STRN: variants seen among roughly 807,000 people sequenced by gnomAD.
STRN encodes the protein striatin.
STRN carries 53 observed loss-of-function variants against 96.3 expected under a neutral mutation model. The observed-to-expected ratio is 0.55, with a 90% confidence interval of 0.44 to 0.69. The LOEUF (loss-of-function observed/expected upper bound fraction) is 0.69. Ranked by LOEUF, STRN falls within the 30% of genes least tolerant of loss-of-function variation. The pLI, the probability that STRN is intolerant of heterozygous loss-of-function variation, is 0.00. For synonymous variants in STRN, 428 were observed against 355.9 expected, an observed-to-expected ratio of 1.20 and a Z score of -2.28; for missense variants, 987 against 963.9, an observed-to-expected ratio of 1.02 and a Z score of -0.32.
In STRN at chr2:36,846,054, A is replaced by G. The variant is rs1668067505; in HGVS notation, c.*3402T>C. 1 of 130,398 alleles carries G rather than the reference A, an allele frequency of 7.7e-6. No individual in the cohort carries two copies. The highest frequency in any genetic ancestry group is 9.4e-5 in the Admixed American group (1 of 10,658). 8.1% of individuals were successfully genotyped at this position (130,398 alleles called of 1,614,324 possible). A position where few individuals can be genotyped will look rare whatever the true frequency, so the allele number is the denominator to read the frequency against. ...ATTTTTTTTTTTAAAGGCACCTCTC[A>G]TTTTCTAGCTATTGCCTTCTTGATG... On this transcript the variant is annotated 3_prime_UTR_variant, in exon 18 of 18. Transcript: ENST00000263918.
intron 13 of STRN, among the ~76,000 whole-genome samples, chr2:36,860,359 T>C (rs1220450323): frequency 6.6e-6 from 1 of 152,066 alleles, no homozygotes; most frequent in African/African-American, 2.4e-5. Flanking sequence ...TATAAGAGAA[T>C]TAGGGGAGAG....
intron 10 of STRN, among the ~76,000 whole-genome samples, chr2:36,875,017 T>C (rs182069560): frequency 3.0e-4 from 45 of 152,352 alleles, no homozygotes; most frequent in Admixed American, 2.2e-3. Context: ...AATTTTCTTT[T>C]AGAAGATAAA....
At chr2:36,902,882 A>G (rs190532337) in intron 4 of STRN, 131 bp from the exon 5 acceptor site, 2 of 620,960 alleles carry the variant, frequency 3.2e-6, no homozygotes, top group Admixed American at 3.5e-5. Flanking sequence ...TGCTAGTAAG[A>G]CTTGTTAATA....
At chr2:36,888,665 G>GTGTGTGTA (rs1669307014) in intron 7 of STRN, among the ~76,000 whole-genome samples, 1 of 151,266 alleles carries the variant, frequency 6.6e-6, no homozygotes, top group Non-Finnish European at 1.5e-5. Context: ...GTGTGTGTGT[G>GTGTGTGTA]TGTGTGCATT....
intron 2 of STRN, among the ~76,000 whole-genome samples, chr2:36,918,411 G>A (rs1387618872): frequency 6.6e-6 from 1 of 151,798 alleles, no homozygotes; most frequent in Admixed American, 6.6e-5. Flanking sequence ...TTATATTAAA[G>A]CTTTTAAAAT....
At chr2:36,901,829 A>C (rs897454488) in intron 5 of STRN, among the ~76,000 whole-genome samples, 1 of 152,206 alleles carries the variant, frequency 6.6e-6, no homozygotes, top group Non-Finnish European at 1.5e-5. Context: ...CCATAATTTT[A>C]ATTTATATTC....
In STRN at chr2:36,840,380, G is replaced by C. The variant is rs779439373; in HGVS notation, c.*9076C>G. 6.6e-6 allele frequency: 1 copy of C among 152,142 alleles called. No individual in the cohort carries two copies. The highest frequency in any genetic ancestry group is 2.4e-5 in the African/African-American group (1 of 41,396). 9.4% of individuals were successfully genotyped at this position (152,142 alleles called of 1,614,324 possible). On this transcript the variant is annotated 3_prime_UTR_variant, in exon 18 of 18. Coordinates refer to ENST00000263918, the MANE Select transcript of STRN (RefSeq NM_003162.4). ...CCATGCTCTGCTCAGTTTTCACGCA[G>C]GCAGGACTGGAACTGTGCAGTATAA...
chr2:36,865,799 A>C (rs1256989677), intron 12 of STRN, among the ~76,000 whole-genome samples: 5 of 151,546 alleles, frequency 3.3e-5, no homozygotes, highest in Non-Finnish European at 7.4e-5. Context: ...TGACCTTGTG[A>C]TCCGCCTGCC....
At chr2:36,920,000 T>G (rs182888912) in intron 2 of STRN, among the ~76,000 whole-genome samples, 6 of 152,296 alleles carry the variant, frequency 3.9e-5, no homozygotes, top group Non-Finnish European at 5.9e-5. Flanking sequence ...GATCCTAAAG[T>G]GGGACTACTT....
At chr2:36,922,399 T>C (rs1165593524) in intron 2 of STRN, among the ~76,000 whole-genome samples, 1 of 151,598 alleles carries the variant, frequency 6.6e-6, no homozygotes, top group African/African-American at 2.4e-5. Flanking sequence ...TATATCTGTA[T>C]TCCCAGCCAC....
At chr2:36,882,810 C>T (rs1669109380) in intron 9 of STRN, among the ~76,000 whole-genome samples, 1 of 152,050 alleles carries the variant, frequency 6.6e-6, no homozygotes, top group African/African-American at 2.4e-5. Flanking sequence ...CTCCTGGGCT[C>T]AAGTGTCCTC....
In STRN at chr2:36,841,840, A is replaced by G. The variant is rs1177757939; in HGVS notation, c.*7616T>C. On this transcript the variant is annotated 3_prime_UTR_variant, in exon 18 of 18. Coordinates refer to ENST00000263918, the MANE Select transcript of STRN (RefSeq NM_003162.4). ...ATAACAAGGACCAATGACAAGCCAG[A>G]ATTGGAACCATTCATTCTTTGAGGT... is the stretch of plus-strand genomic sequence containing the variant. The G allele has an allele frequency of 6.6e-6, 1 of 152,236 alleles. No homozygotes were observed. Among genetic ancestry groups the G allele is most frequent in the Non-Finnish European group, 1.5e-5 (1 of 68,038 alleles). 9.4% of individuals were successfully genotyped at this position (152,236 alleles called of 1,614,324 possible).
At chr2:36,904,111 A>G (rs1286224011) in intron 4 of STRN, among the ~76,000 whole-genome samples, 1 of 152,232 alleles carries the variant, frequency 6.6e-6, no homozygotes, top group Non-Finnish European at 1.5e-5. Flanking sequence ...GTTTAAAAAA[A>G]GATTAACATT....
Position 36,874,243 on chromosome 2 carries a change from G to A in STRN, c.1323+3648C>T, listed in dbSNP as rs143650970. 4.3e-3 allele frequency among the ~76,000 whole-genome samples: 632 copies of A among 147,082 alleles called. 4 individuals are homozygous for A. The highest frequency in any genetic ancestry group is 0.015 in the African/African-American group (587 of 39,796). On this transcript the variant is annotated intron_variant, in intron 10 of 17. Transcript: ENST00000263918. ...CGCGCCACTGCACTACAGCCTGGGC[G>A]ACAAAGCAAAACTCTGTCTCAAAAA...
At chr2:36,917,779 T>A (rs1240498069) in intron 2 of STRN, among the ~76,000 whole-genome samples, 5 of 152,096 alleles carry the variant, frequency 3.3e-5, no homozygotes, top group Non-Finnish European at 5.9e-5. Context: ...AGTCTTTATA[T>A]CTTACACGTA....
rs1251538969 is a variant in STRN at position 36,881,314 on chromosome 2, G to A, written c.1186+2618C>T. Among the ~76,000 whole-genome samples the A allele has an allele frequency of 3.3e-5, 5 of 151,924 alleles. No homozygotes were observed. In the East Asian group the frequency reaches 9.7e-4, roughly 29 times the overall value. On this transcript the variant is annotated intron_variant, in intron 9 of 17. Coordinates refer to ENST00000263918, the MANE Select transcript of STRN (RefSeq NM_003162.4). ...AGCTAATTTTTGTATTTTTATTTGAGACAGGGTTTTGCCATGTTGGCCAGG... is the reference window on the plus strand; with the variant it reads ...AGCTAATTTTTGTATTTTTATTTGAAACAGGGTTTTGCCATGTTGGCCAGG...
intron 9 of STRN, among the ~76,000 whole-genome samples, chr2:36,882,635 G>A (rs1382562989): frequency 6.6e-6 from 1 of 152,144 alleles, no homozygotes; most frequent in East Asian, 1.9e-4. Flanking sequence ...TGGGCATGGT[G>A]GCATGTGCCT....
At chr2:36,920,054 T>C (rs1328114972) in intron 2 of STRN, among the ~76,000 whole-genome samples, 6 of 147,476 alleles carry the variant, frequency 4.1e-5, no homozygotes, top group African/African-American at 1.3e-4. Context: ...TGTAAAATCA[T>C]GATCTTTACT....
At chr2:36,954,654 G>A (rs1361621985) in intron 1 of STRN, among the ~76,000 whole-genome samples, 1 of 148,716 alleles carries the variant, frequency 6.7e-6, no homozygotes, top group African/African-American at 2.5e-5. Context: ...TTTTTTAGAT[G>A]GAGTTTCACT....
Sources: gnomAD v4.1 joint callset for allele counts (sites outside exome capture counted in the v4.1 genomes callset) on GRCh38, gnomAD v4.1.1 for gene constraint, MANE v1.5 for transcripts, NCBI Gene and HGNC (gene_info 2026-07-23, HGNC 2026-07-21) for gene names.